The following CACNG7 variants were observed in gnomAD, a reference collection of about 807,000 sequenced individuals.
The protein encoded by CACNG7 is voltage-dependent calcium channel gamma-7 subunit.
A neutral mutation model predicts 26.3 loss-of-function variants in CACNG7; 9 were observed. The observed-to-expected ratio is 0.34, with a 90% CI of 0.21 to 0.60. The LOEUF is 0.60. Among genes scored for constraint, CACNG7 ranks in the 20% least tolerant of loss-of-function variants. CACNG7 has a pLI of 0.81. For synonymous variants in CACNG7, 170 were observed against 157.0 expected (o/e 1.08, Z -0.62); for missense variants, 297 against 380.4 (o/e 0.78, Z 1.82).
chr19:53,931,911 A>G (rs1459348963), intron 4 of CACNG7, among the ~76,000 whole-genome samples: 4 of 149,738 alleles, frequency 2.7e-5, no homozygotes. Context: ...ACAGGCGGCC[A>G]CCACCACGCC....
chr19:53,929,533 C>T (rs1175968466), intron 4 of CACNG7, among the ~76,000 whole-genome samples: 2 of 151,942 alleles, frequency 1.3e-5, no homozygotes, highest in African/African-American at 2.4e-5. Flanking sequence ...CTCAGCTCAC[C>T]GCAACCTCCA....
At chr19:53,937,193 A>G (rs546987391) in intron 4 of CACNG7, among the ~76,000 whole-genome samples, 2 of 152,284 alleles carry the variant, frequency 1.3e-5, no homozygotes, top group African/African-American at 4.8e-5. Flanking sequence ...CCCAGCCTCC[A>G]TTATTTTTCA....
At chr19:53,930,357 C>T (rs2069063576) in intron 4 of CACNG7, among the ~76,000 whole-genome samples, 1 of 151,752 alleles carries the variant, frequency 6.6e-6, no homozygotes, top group South Asian at 2.1e-4. Flanking sequence ...TACAGGCGGG[C>T]ACCACTACGC....
At chr19:53,922,121 C>T (rs1172455565) in intron 4 of CACNG7, among the ~76,000 whole-genome samples, 7 of 119,102 alleles carry the variant, frequency 5.9e-5, no homozygotes, top group Non-Finnish European at 1.2e-4. Context: ...GTGGAGTTGC[C>T]CCAGGCCTGG....
intron 4 of CACNG7, among the ~76,000 whole-genome samples, chr19:53,924,800 A>G (rs568807910): frequency 0.019 from 2,107 of 108,690 alleles, 59 homozygotes; most frequent in African/African-American, 0.077. Context: ...AGTGCTGGTC[A>G]TTGGTGGACT....
At chr19:53,924,464 G>A (rs550586562) in intron 4 of CACNG7, among the ~76,000 whole-genome samples, 1 of 149,820 alleles carries the variant, frequency 6.7e-6, no homozygotes, top group Admixed American at 6.6e-5. Context: ...CTGGTCATTG[G>A]TGGAGTTGTC....
chr19:53,915,501 A>G lies in CACNG7; in HGVS notation c.420A>G (p.Leu140=), dbSNP rs371290517. ...LAFVSGIFFI[L]SGLSLVVGLV... is the part of the protein sequence containing the mutation. The stretch of plus-strand genomic sequence containing the variant: ...TTGTCTCTGGCATCTTCTTCATACT[A>G]TCGGGTGAGCCTAAGGACTTGGGGG... Residue 140 remains leucine, a synonymous_variant, in exon 4 of 6, where the codon CTA becomes CTG. Transcript: ENST00000391767. 99 of 1,613,686 alleles carry G rather than the reference A, an allele frequency of 6.1e-5. No individual in the cohort carries two copies. Among genetic ancestry groups the G allele is most frequent in the South Asian group, 3.4e-4 (31 of 91,060 alleles).
chr19:53,912,776 C>T lies in CACNG7; in HGVS notation c.-29-27C>T. 6.3e-7 allele frequency: 1 copy of T among 1,581,426 alleles called. No homozygotes were observed. The highest frequency in any genetic ancestry group is 2.2e-5 in the East Asian group (1 of 44,748). On this transcript the variant is annotated intron_variant, in intron 1 of 5. Coordinates refer to ENST00000391767, the MANE Select transcript of CACNG7 (RefSeq NM_031896.5). The surrounding 1 kb of genome is among the most constrained non-coding windows in gnomAD (Gnocchi z 4.6). ...AAGCACTCTGGTCGGTCCCATGGAGCTCTGCACTGTAGCTTCCCTTCCACA... is the reference window on the plus strand; with the variant it reads ...AAGCACTCTGGTCGGTCCCATGGAGTTCTGCACTGTAGCTTCCCTTCCACA...
In CACNG7 at chr19:53,931,974, G is replaced by C. The variant is rs1488322030; in HGVS notation, c.425-9496G>C. Among the ~76,000 whole-genome samples, 11 of 151,342 alleles carry C rather than the reference G, an allele frequency of 7.3e-5. No individual in the cohort carries two copies. In the East Asian group the frequency reaches 1.8e-3, roughly 24 times the overall value. Reference sequence around the variant, plus strand: ...GATGGAGTTTCACCATGTTAGCCAGGATGGTCTCGATCTCCTGACCTCGTG... The same window carrying C: ...GATGGAGTTTCACCATGTTAGCCAGCATGGTCTCGATCTCCTGACCTCGTG... On this transcript the variant is annotated intron_variant, in intron 4 of 5. Coordinates refer to ENST00000391767, the MANE Select transcript of CACNG7 (RefSeq NM_031896.5).
intron 4 of CACNG7, among the ~76,000 whole-genome samples, chr19:53,920,709 G>A (rs1568773610): frequency 1.7e-5 from 2 of 121,178 alleles, no homozygotes; most frequent in Non-Finnish European, 3.3e-5. Context: ...CTCCAGGTCT[G>A]GTCATTGGTG....
intron 2 of CACNG7, among the ~76,000 whole-genome samples, chr19:53,914,096 A>T (rs1167049262): frequency 1.3e-5 from 2 of 152,036 alleles, no homozygotes; most frequent in African/African-American, 4.8e-5. Flanking sequence ...CAACATGGTG[A>T]AACCCCGTCT....
chr19:53,910,549 A>G (rs1181479666), intron 1 of CACNG7, among the ~76,000 whole-genome samples: 1 of 152,040 alleles, frequency 6.6e-6, no homozygotes, highest in Non-Finnish European at 1.5e-5. Flanking sequence ...AGGGGTCTCA[A>G]CCTTCATAGT....
Position 53,943,674 on chromosome 19 carries a change from T to G in CACNG7, c.*1381T>G, listed in dbSNP as rs1168854062. The stretch of plus-strand genomic sequence containing the variant: ...GCTCTGTTATTTACCGTGTATCATA[T>G]GTAAATATCGACAGAAACTTCAATA... On this transcript the variant is annotated 3_prime_UTR_variant, in exon 6 of 6. Coordinates refer to ENST00000391767, the MANE Select transcript of CACNG7 (RefSeq NM_031896.5). The G allele has an allele frequency of 6.6e-6, 1 of 151,856 alleles. No individual in the cohort carries two copies. Among genetic ancestry groups the G allele is most frequent in the East Asian group, 1.9e-4 (1 of 5,168 alleles). The allele number at this position is 151,856 out of a possible 1,614,324, so 9.4% of individuals were successfully genotyped here.
chr19:53,941,492 G>T lies in CACNG7; in HGVS notation c.447G>T (p.Leu149Phe). 6.3e-7 allele frequency: 1 copy of T among 1,584,134 alleles called. No homozygotes were observed. Among genetic ancestry groups the T allele is most frequent in the Non-Finnish European group, 8.6e-7 (1 of 1,169,156 alleles). The part of the protein sequence containing the change: ...ILSGLSLVVG[L>F]VLYISSINDE... ...TAGGCCTCTCCTTGGTGGTGGGCTTGGTTCTTTACATCTCCAGCATCAACG... is the reference window on the plus strand; with the variant it reads ...TAGGCCTCTCCTTGGTGGTGGGCTTTGTTCTTTACATCTCCAGCATCAACG... Residue 149 changes from leucine (L) to phenylalanine (F), a missense_variant, in exon 5 of 6, where the codon TTG (leucine) becomes TTT (phenylalanine). Physicochemically the swap from Leu to Phe is conservative, Grantham distance 22. Coordinates refer to ENST00000391767, the MANE Select transcript of CACNG7 (RefSeq NM_031896.5).
intron 4 of CACNG7, among the ~76,000 whole-genome samples, chr19:53,924,457 G>A (rs538665715): frequency 6.8e-6 from 1 of 147,454 alleles, no homozygotes; most frequent in African/African-American, 2.5e-5. Context: ...CCCAGGTCTG[G>A]TCATTGGTGG....
intron 4 of CACNG7, among the ~76,000 whole-genome samples, chr19:53,923,906 T>G (rs307928): frequency 9.2e-6 from 1 of 109,004 alleles, no homozygotes; most frequent in Non-Finnish European, 1.8e-5. Flanking sequence ...TTGCCCCAGG[T>G]CTGGTCATTG....
At chr19:53,930,472 A>T (rs1236996581) in intron 4 of CACNG7, among the ~76,000 whole-genome samples, 1 of 151,664 alleles carries the variant, frequency 6.6e-6, no homozygotes, top group Admixed American at 6.6e-5. Flanking sequence ...TCCCAGGTAC[A>T]CAAGATTCTC....
At chr19:53,925,357 G>T (rs1217459216) in intron 4 of CACNG7, among the ~76,000 whole-genome samples, 4 of 141,346 alleles carry the variant, frequency 2.8e-5, no homozygotes, top group African/African-American at 1.1e-4. Context: ...CCCAGGTCTG[G>T]TATTGGTGGA....
chr19:53,921,956 G>T (rs2068960400), intron 4 of CACNG7, among the ~76,000 whole-genome samples: 1 of 83,102 alleles, frequency 1.2e-5, no homozygotes, highest in African/African-American at 7.0e-5. Flanking sequence ...TGGTGGAGTT[G>T]CCCCAGGCCT....
Sources: gnomAD v4.1 joint callset for allele counts (sites outside exome capture counted in the v4.1 genomes callset) on GRCh38, gnomAD v4.1.1 for gene constraint, Gnocchi (gnomAD v3.1) non-coding constraint, MANE v1.5 for transcripts, NCBI Gene and HGNC (gene_info 2026-07-23, HGNC 2026-07-21) for gene names.